Variants in PARD3 observed in about 807,000 individuals in gnomAD.
The protein encoded by PARD3 is partitioning defective 3 homolog.
In PARD3, 75 loss-of-function variants were observed where a neutral mutation model predicts 155.4. The ratio of observed to expected loss-of-function variants is 0.48; its 90% CI spans 0.40 to 0.58. PARD3 has a LOEUF of 0.58. PARD3 is among the 20% of genes least tolerant of loss of function. The pLI is 0.00. For missense variants in PARD3, 1,642 were observed against 1,721.7 expected, an observed-to-expected ratio of 0.95 and a Z score of 0.82; for synonymous variants, 576 against 610.5, an observed-to-expected ratio of 0.94 and a Z score of 0.83.
intron 2 of PARD3, among the ~76,000 whole-genome samples, chr10:34,695,482 A>AG (rs943057687): frequency 6.6e-6 from 1 of 151,296 alleles, no homozygotes; most frequent in African/African-American, 2.4e-5. Context: ...CATCTCAAAA[A>AG]AAAAAAAAAA....
chr10:34,217,612 C>T (rs762465285), intron 22 of PARD3, among the ~76,000 whole-genome samples: 3 of 152,072 alleles, frequency 2.0e-5, no homozygotes, highest in Non-Finnish European at 2.9e-5. Context: ...GAACCATGCT[C>T]GTGGCGTGCA....
In PARD3 at chr10:34,381,912, CAAAAAAA is replaced by C. The variant is rs202053812; in HGVS notation, c.1399+621_1399+627del. On this transcript the variant is annotated intron_variant, in intron 9 of 24. Transcript: ENST00000374788. Reference sequence around the variant, plus strand: ...TGGGCAACAAAGAAAGGCCCTGTCTCAAAAAAAAAAAAAAAAAAAAAAAAAAAAAGAA... The same window carrying C: ...TGGGCAACAAAGAAAGGCCCTGTCTCAAAAAAAAAAAAAAAAAAAAAAGAA... Among the ~76,000 whole-genome samples the C allele has an allele frequency of 6.3e-4, 45 of 71,874 alleles. 1 individual carries two copies. Among genetic ancestry groups the C allele is most frequent in the African/African-American group, 1.1e-3 (22 of 20,306 alleles). The allele number at this position is 71,874 out of a possible 152,430, so 47.2% of individuals were successfully genotyped here. A position where few individuals can be genotyped will look rare whatever the true frequency, so the allele number is the denominator to read the frequency against.
At chr10:34,244,168 T>C (rs1176364293) in intron 22 of PARD3, among the ~76,000 whole-genome samples, 1 of 152,236 alleles carries the variant, frequency 6.6e-6, no homozygotes. Flanking sequence ...AACTTCAATA[T>C]TGCAGTACAG....
At chr10:34,610,668 T>C (rs1274983770) in intron 2 of PARD3, among the ~76,000 whole-genome samples, 1 of 152,192 alleles carries the variant, frequency 6.6e-6, no homozygotes, top group Non-Finnish European at 1.5e-5. Flanking sequence ...TTGAAATATA[T>C]ATATAATGTG....
intron 14 of PARD3, 67 bp downstream of exon 14, chr10:34,359,080 C>G: frequency 7.6e-7 from 1 of 1,319,238 alleles, no homozygotes. Flanking sequence ...TACCCTTTGC[C>G]CAAAATTAGG....
chr10:34,783,604 CAAAAAAAA>C (rs35411933), intron 1 of PARD3, among the ~76,000 whole-genome samples: 1 of 76,248 alleles, frequency 1.3e-5, no homozygotes, highest in Non-Finnish European at 2.4e-5. Context: ...ACTCCGTCTT[CAAAAAAAA>C]AAAAAAAAAA....
intron 3 of PARD3, among the ~76,000 whole-genome samples, chr10:34,513,059 T>C (rs1441498032): frequency 6.6e-6 from 1 of 152,222 alleles, no homozygotes; most frequent in African/African-American, 2.4e-5. Context: ...ATATTTATGG[T>C]CAGATATTTC....
At chr10:34,730,007 C>T (rs935314303) in intron 1 of PARD3, among the ~76,000 whole-genome samples, 10 of 152,124 alleles carry the variant, frequency 6.6e-5, no homozygotes, top group African/African-American at 7.2e-5. Context: ...GTTTTATAGC[C>T]TGAACCAGAC....
chr10:34,569,777 A>G lies in PARD3; in HGVS notation c.223-52618T>C, dbSNP rs2086241302. Among the ~76,000 whole-genome samples, 6 of 152,252 alleles carry G rather than the reference A, an allele frequency of 3.9e-5. 1 individual carries two copies. In the South Asian group the frequency reaches 1.2e-3, roughly 32 times the overall value. ...AAGTCAGCATGACTAAAGGATATCA[A>G]AACTTATTTTTGAAAAAATCTAACC... On this transcript the variant is annotated intron_variant, in intron 2 of 24. Coordinates refer to ENST00000374788, the MANE Select transcript of PARD3 (RefSeq NM_001184785.2).
At chr10:34,685,649 A>AGT (rs1206436764) in intron 2 of PARD3, among the ~76,000 whole-genome samples, 2 of 149,654 alleles carry the variant, frequency 1.3e-5, no homozygotes, top group Admixed American at 6.7e-5. Flanking sequence ...GCTGGAGTGC[A>AGT]GTGGGGCAAT....
chr10:34,238,482 G>C lies in PARD3; in HGVS notation c.3419+31175C>G, dbSNP rs561145086. The stretch of plus-strand genomic sequence containing the variant: ...CACTTAAACAATACAAATGTCAGTA[G>C]GGCTAACAAACTCCCTTAGTCCCAA... On this transcript the variant is annotated intron_variant, in intron 22 of 24. Coordinates refer to ENST00000374788, the MANE Select transcript of PARD3 (RefSeq NM_001184785.2). Among the ~76,000 whole-genome samples the C allele has an allele frequency of 7.9e-5, 12 of 152,230 alleles. No individual in the cohort carries two copies. In the South Asian group the frequency reaches 2.5e-3, roughly 32 times the overall value.
intron 2 of PARD3, among the ~76,000 whole-genome samples, chr10:34,635,399 G>A (rs1329005915): frequency 6.6e-6 from 1 of 152,230 alleles, no homozygotes; most frequent in African/African-American, 2.4e-5. Flanking sequence ...TGCATTTGGG[G>A]CTCAGCTCCT....
At chr10:34,800,511 T>G (rs969350477) in intron 1 of PARD3, among the ~76,000 whole-genome samples, 2 of 151,790 alleles carry the variant, frequency 1.3e-5, no homozygotes, top group Admixed American at 1.3e-4. Context: ...CTCGGGAGGC[T>G]GAGGCAGGAG....
chr10:34,490,511 C>T (rs1211146684), intron 3 of PARD3, among the ~76,000 whole-genome samples: 3 of 152,126 alleles, frequency 2.0e-5, no homozygotes, highest in Non-Finnish European at 4.4e-5. Flanking sequence ...TGCCCTTAAT[C>T]TATACATTCA....
intron 2 of PARD3, among the ~76,000 whole-genome samples, chr10:34,681,145 T>C (rs11009863): frequency 0.033 from 5,084 of 152,186 alleles, 293 homozygotes; most frequent in African/African-American, 0.12. Flanking sequence ...AGTACAGAAA[T>C]AGAGTAAGCT....
chr10:34,111,106 A>G lies in PARD3; in HGVS notation c.*63T>C. ...TCGAGGTTTTAAAAAAACTCCCAAA[A>G]TACAAGTCTTCATAGGAAAATGTCT... is the stretch of plus-strand genomic sequence containing the variant. On this transcript the variant is annotated 3_prime_UTR_variant, in exon 25 of 25. Coordinates refer to ENST00000374788, the MANE Select transcript of PARD3 (RefSeq NM_001184785.2). 1.3e-6 allele frequency: 2 copies of G among 1,500,032 alleles called. No individual in the cohort carries two copies. The highest frequency in any genetic ancestry group is 8.9e-7 in the Non-Finnish European group (1 of 1,122,324). The allele number at this position is 1,500,032 out of a possible 1,614,324, so 92.9% of individuals were successfully genotyped here. A position where few individuals can be genotyped will look rare whatever the true frequency, so the allele number is the denominator to read the frequency against.
intron 2 of PARD3, among the ~76,000 whole-genome samples, chr10:34,615,332 C>T (rs1407973414): frequency 1.3e-5 from 2 of 152,194 alleles, no homozygotes; most frequent in Non-Finnish European, 2.9e-5. Flanking sequence ...ATGTAGCCAA[C>T]TGATTTTCAA....
intron 22 of PARD3, among the ~76,000 whole-genome samples, chr10:34,266,509 T>C (rs1252816419): frequency 6.6e-6 from 1 of 152,174 alleles, no homozygotes; most frequent in Non-Finnish European, 1.5e-5. Flanking sequence ...ATAAATTATG[T>C]CTCTCCTGAG....
intron 2 of PARD3, among the ~76,000 whole-genome samples, chr10:34,575,804 G>A (rs774788196): frequency 2.6e-5 from 4 of 152,116 alleles, no homozygotes; most frequent in Non-Finnish European, 4.4e-5. Flanking sequence ...GCTGAGGCAG[G>A]AGAATTGCTT....
Sources: gnomAD v4.1 joint callset for allele counts (sites outside exome capture counted in the v4.1 genomes callset) on GRCh38, gnomAD v4.1.1 for gene constraint, MANE v1.5 for transcripts, NCBI Gene and HGNC (gene_info 2026-07-23, HGNC 2026-07-21) for gene names.